NLGN1: variants seen among roughly 807,000 people sequenced by gnomAD.
The protein encoded by NLGN1 is neuroligin 1, also known as neuroligin-1.
A neutral mutation model predicts 65.5 loss-of-function variants in NLGN1; 12 were observed. The observed-to-expected ratio is 0.18, with a 90% CI of 0.12 to 0.30. The LOEUF (loss-of-function observed/expected upper bound fraction) is 0.30. Ranked by LOEUF, NLGN1 falls within the 10% of genes least tolerant of loss-of-function variation. The pLI is 1.00. For synonymous variants in NLGN1, 350 were observed against 359.5 expected, an observed-to-expected ratio of 0.97 and a Z score of 0.30; for missense variants, 750 against 1,007.1, an observed-to-expected ratio of 0.74 and a Z score of 3.46.
intron 3 of NLGN1, among the ~76,000 whole-genome samples, chr3:173,628,675 A>C (rs554077324): frequency 6.6e-6 from 1 of 151,644 alleles, no homozygotes; most frequent in Non-Finnish European, 1.5e-5. Context: ...GCTGGATGTA[A>C]TATTTTATTT....
intron 4 of NLGN1, among the ~76,000 whole-genome samples, chr3:174,099,310 TAA>T (rs1038179267): frequency 1.2e-3 from 168 of 142,812 alleles, no homozygotes; most frequent in African/African-American, 4.6e-3. Context: ...AATTTATACC[TAA>T]GACTTTTTTA....
intron 2 of NLGN1, among the ~76,000 whole-genome samples, chr3:173,486,201 C>G (rs1004622896): frequency 1.2e-4 from 19 of 152,030 alleles, no homozygotes; most frequent in Admixed American, 1.2e-3. Flanking sequence ...TGCGCCACCA[C>G]TCCTGGCTTT....
At chr3:173,479,527 G>A (rs1726879225) in intron 2 of NLGN1, among the ~76,000 whole-genome samples, 1 of 152,144 alleles carries the variant, frequency 6.6e-6, no homozygotes, top group Non-Finnish European at 1.5e-5. Flanking sequence ...TAGTTTGATG[G>A]TCACTGTGAT....
At chr3:173,554,106 T>A (rs1239785371) in intron 2 of NLGN1, among the ~76,000 whole-genome samples, 2 of 152,178 alleles carry the variant, frequency 1.3e-5, no homozygotes, top group Non-Finnish European at 2.9e-5. Flanking sequence ...TTTAATTTTT[T>A]AATATTTGAA....
rs535460987 is a variant in NLGN1, at chr3:173,475,154, C to A, written c.-321+40076C>A. ...AAAGAAGTGTCTTACTAATTAATTT[C>A]CAACTCATCACCTCTGTAATTACTA... is the stretch of plus-strand genomic sequence containing the variant. On this transcript the variant is annotated intron_variant, in intron 2 of 6. Coordinates refer to ENST00000457714, the Ensembl canonical transcript of NLGN1. 1.1e-4 allele frequency among the ~76,000 whole-genome samples: 16 copies of A among 152,190 alleles called. No individual in the cohort carries two copies. The South Asian group carries it at 2.5e-3, about 24-fold the overall frequency.
chr3:173,620,743 GAT>G (rs1381109025), intron 3 of NLGN1, among the ~76,000 whole-genome samples: 1 of 152,030 alleles, frequency 6.6e-6, no homozygotes, highest in East Asian at 1.9e-4. Context: ...GACAGAGATA[GAT>G]AACACAGAAG....
chr3:174,275,315 G>A (rs1281833685), exon 5 of NLGN1: 1 of 1,609,400 alleles, frequency 6.2e-7, no homozygotes, highest in South Asian at 1.1e-5. Context: ...TATTTTTCAG[G>A]TTTCTTGAGT....
chr3:173,436,590 C>G (rs1718179382), intron 2 of NLGN1, among the ~76,000 whole-genome samples: 1 of 152,182 alleles, frequency 6.6e-6, no homozygotes, highest in Non-Finnish European at 1.5e-5. Context: ...TTATCTGTAA[C>G]TCAACCCAGC....
At chr3:174,109,717 T>C (rs1714765276) in intron 4 of NLGN1, among the ~76,000 whole-genome samples, 1 of 152,120 alleles carries the variant, frequency 6.6e-6, no homozygotes, top group Admixed American at 6.6e-5. Flanking sequence ...CTATACCTTA[T>C]TGGAATATTT....
chr3:174,008,006 C>T (rs929538817), intron 4 of NLGN1, among the ~76,000 whole-genome samples: 1 of 151,280 alleles, frequency 6.6e-6, no homozygotes, highest in African/African-American at 2.4e-5. Flanking sequence ...TGGGGAGAAG[C>T]TACTGTGGTG....
Position 173,859,256 on chromosome 3 carries a change from A to G in NLGN1, c.646+51424A>G, listed in dbSNP as rs75500636. Among the ~76,000 whole-genome samples, 150 of 152,274 alleles carry G rather than the reference A, an allele frequency of 9.9e-4. 2 individuals are homozygous for G. The East Asian group carries it at 0.024, about 25-fold the overall frequency. ...GAACATCTTTTAATAACTAACTATG[A>G]AAACTATATCATGGTCTCAAAGAGT... On this transcript the variant is annotated intron_variant, in intron 4 of 6. Coordinates refer to ENST00000457714, the Ensembl canonical transcript of NLGN1.
intron 5 of NLGN1, 28 bp downstream of exon 5, chr3:174,275,555 A>G: frequency 2.0e-6 from 3 of 1,501,210 alleles, no homozygotes; most frequent in Non-Finnish European, 2.8e-6. Flanking sequence ...AAATTTTGAC[A>G]ATTTTGGTGT....
intron 2 of NLGN1, among the ~76,000 whole-genome samples, chr3:173,509,942 A>G (rs1309757705): frequency 6.6e-6 from 1 of 152,182 alleles, no homozygotes; most frequent in African/African-American, 2.4e-5. Context: ...GAAATATCCA[A>G]TTTCAATGGA....
At chr3:174,211,790 T>G (rs1736625333) in intron 4 of NLGN1, among the ~76,000 whole-genome samples, 1 of 151,908 alleles carries the variant, frequency 6.6e-6, no homozygotes, top group Non-Finnish European at 1.5e-5. Context: ...AGAGTGTCGA[T>G]TAGTGCACTC....
chr3:173,487,903 G>T (rs897211857), intron 2 of NLGN1, among the ~76,000 whole-genome samples: 10 of 151,790 alleles, frequency 6.6e-5, no homozygotes, highest in African/African-American at 2.2e-4. Flanking sequence ...TTCTGTCTCT[G>T]AACTAAGTTT....
At chr3:173,770,047 A>G (rs1316231048) in intron 3 of NLGN1, among the ~76,000 whole-genome samples, 1 of 152,206 alleles carries the variant, frequency 6.6e-6, no homozygotes. Flanking sequence ...AAGTTTGGAA[A>G]CGGTCCTCTT....
rs1010540405 is a variant in NLGN1, at chr3:173,446,528, G to A, written c.-321+11450G>A. On this transcript the variant is annotated intron_variant, in intron 2 of 6. Transcript: ENST00000457714. ...GTGAATAGTGCCGCAATAAACATAC[G>A]TGTGCATGTGTCTTTATAGCAGCAT... Among the ~76,000 whole-genome samples, 39 of 152,146 alleles carry A rather than the reference G, an allele frequency of 2.6e-4. 1 individual carries two copies. The highest frequency in any genetic ancestry group is 4.4e-4 in the Non-Finnish European group (30 of 68,026).
chr3:173,476,234 A>G (rs892623051), intron 2 of NLGN1, among the ~76,000 whole-genome samples: 1 of 152,174 alleles, frequency 6.6e-6, no homozygotes, highest in Non-Finnish European at 1.5e-5. Context: ...CTAATGCTAG[A>G]TGTTGAAAAT....
intron 4 of NLGN1, among the ~76,000 whole-genome samples, chr3:174,191,979 T>C (rs752703222): frequency 6.6e-6 from 1 of 152,206 alleles, no homozygotes; most frequent in Non-Finnish European, 1.5e-5. Context: ...CTATTAAAAC[T>C]TCTTGTTTGA....
Sources: gnomAD v4.1 joint callset for allele counts (sites outside exome capture counted in the v4.1 genomes callset) on GRCh38, gnomAD v4.1.1 for gene constraint, MANE v1.5 for transcripts, NCBI Gene and HGNC (gene_info 2026-07-23, HGNC 2026-07-21) for gene names.